The following ABCG1 variants were observed in gnomAD, a reference collection of about 807,000 sequenced individuals.
ABCG1 encodes ATP binding cassette subfamily G member 1, also known as ATP-binding cassette sub-family G member 1.
ABCG1 carries 29 observed loss-of-function variants against 69.2 expected under a neutral mutation model. The ratio of observed to expected loss-of-function variants is 0.42; its 90% CI spans 0.31 to 0.57. The LOEUF (loss-of-function observed/expected upper bound fraction) is 0.57. Ranked by LOEUF, ABCG1 falls within the 20% of genes least tolerant of loss-of-function variation. The pLI, the probability that ABCG1 is intolerant of heterozygous loss-of-function variation, is 0.15. For missense variants in ABCG1, 718 were observed against 898.1 expected, an observed-to-expected ratio of 0.80 and a Z score of 2.56; for synonymous variants, 370 against 374.8, an observed-to-expected ratio of 0.99 and a Z score of 0.15.
upstream of ABCG1, among the ~76,000 whole-genome samples, chr21:42,215,032 A>C (rs1039050594): frequency 3.9e-5 from 6 of 152,232 alleles, no homozygotes; most frequent in Admixed American, 2.0e-4. Flanking sequence ...CACAGCAGGC[A>C]GGTCAGGTCT....
chr21:42,256,127 C>T, intron 2 of ABCG1: 10 of 1,373,980 alleles, frequency 7.3e-6, no homozygotes, highest in Non-Finnish European at 9.4e-6. Flanking sequence ...CCTTCCCAAG[C>T]CTCTCCCTGT....
At position 42,296,982 on chromosome 21, in the gene ABCG1, AG is replaced by A. The variant is rs2069224340; in HGVS notation, c.*593del. 6.2e-6 allele frequency: 1 copy of A among 160,140 alleles called. No individual in the cohort carries two copies. Among genetic ancestry groups the A allele is most frequent in the Non-Finnish European group, 1.4e-5 (1 of 71,710 alleles). The allele number at this position is 160,140 out of a possible 1,614,324, so 9.9% of individuals were successfully genotyped here. On this transcript the variant is annotated 3_prime_UTR_variant, in exon 15 of 15. Transcript: ENST00000398449. This position sits in a 1 kb window ranked among gnomAD's most constrained non-coding sequence, Gnocchi z 5.4. ...TTTAGTACTTGCTGAAGAATGATTC[AG>A]GGTAAATCACATACTTTGTTTAGAG...
upstream of ABCG1, among the ~76,000 whole-genome samples, chr21:42,211,951 G>C (rs1301029034): frequency 6.6e-6 from 1 of 152,022 alleles, no homozygotes; most frequent in Non-Finnish European, 1.5e-5. Context: ...TGCGGTCCTT[G>C]GGAAGTGATT....
chr21:42,290,090 G>C lies in ABCG1; in HGVS notation c.1265G>C (p.Gly422Ala). 1 of 1,614,200 alleles carries C rather than the reference G, an allele frequency of 6.2e-7. No individual in the cohort carries two copies. The highest frequency in any genetic ancestry group is 8.5e-7 in the Non-Finnish European group (1 of 1,180,028). The change falls in exon 11 of 15, where the codon GGC becomes GCC. Residue 422 changes from glycine to alanine, a missense_variant. Coordinates refer to ENST00000398449, the MANE Select transcript of ABCG1 (RefSeq NM_016818.3). ...CGCATCACCTCGCACATTGGGATCG[G>C]CCTCCTCATTGGCCTGCTGTACTTG... ...HLRITSHIGI[G>A]LLIGLLYLGI...
chr21:42,210,809 TGAA>T (rs1278409394), intron 2 of ABCG1, among the ~76,000 whole-genome samples: 1 of 151,960 alleles, frequency 6.6e-6, no homozygotes, highest in Non-Finnish European at 1.5e-5. Context: ...GTGTGCTTGG[TGAA>T]GAAGGGGTCC....
At position 42,288,018 on chromosome 21, in the gene ABCG1, G is replaced by A; in HGVS notation, c.1103G>A (p.Trp368Ter). The change falls in exon 9 of 15, where the codon TGG becomes TAG. Residue 368 changes from tryptophan to a stop codon, truncating the protein, a stop_gained. Coordinates refer to ENST00000398449, the MANE Select transcript of ABCG1 (RefSeq NM_016818.3). LOFTEE classifies it high-confidence loss of function. This position sits in a 1 kb window ranked among gnomAD's most constrained non-coding sequence, Gnocchi z 4.8. Reference sequence around the variant, plus strand: ...GATGCCGAGGTGAACCCTTTTCTTTGGCACCGGCCCTCTGAAGAGGTAAAG... The same window carrying A: ...GATGCCGAGGTGAACCCTTTTCTTTAGCACCGGCCCTCTGAAGAGGTAAAG... ...GGDAEVNPFL[W>*]HRPSEEDSSS... 6.2e-7 allele frequency: 1 copy of A among 1,611,758 alleles called. No homozygotes were observed. The highest frequency in any genetic ancestry group is 8.5e-7 in the Non-Finnish European group (1 of 1,178,604).
chr21:42,290,490 C>T (rs1460035919), intron 11 of ABCG1, among the ~76,000 whole-genome samples: 1 of 152,200 alleles, frequency 6.6e-6, no homozygotes, highest in Non-Finnish European at 1.5e-5. Flanking sequence ...CAAAGATTCA[C>T]TAATTAGGAG....
At chr21:42,237,975 G>A (rs1364122390) in intron 2 of ABCG1, among the ~76,000 whole-genome samples, 1 of 152,210 alleles carries the variant, frequency 6.6e-6, no homozygotes, top group East Asian at 1.9e-4. Context: ...GCTGATCCAA[G>A]TGCCAAACTC....
chr21:42,220,320 C>T (rs185926992), intron 1 of ABCG1, among the ~76,000 whole-genome samples: 87 of 152,372 alleles, frequency 5.7e-4, no homozygotes, highest in Admixed American at 3.4e-3. Context: ...CCGGGGCTCA[C>T]CCCGCCCCTC....
rs1304485082 is a variant in ABCG1, at chr21:42,294,601, C to T, written c.1713C>T (p.Phe571=). 16 of 1,614,106 alleles carry T rather than the reference C, an allele frequency of 9.9e-6. No homozygotes were observed. Among genetic ancestry groups the T allele is most frequent in the East Asian group, 2.2e-5 (1 of 44,900 alleles). ...CGGTGCTCCTGTTCTCGGGGTTCTT[C>T]GTCAGCTTCGACACCATCCCCACGT... is the stretch of plus-strand genomic sequence containing the variant. ...AIPVLLFSGF[F]VSFDTIPTYL... Residue 571 remains phenylalanine, a synonymous_variant, in exon 14 of 15, where the codon TTC becomes TTT. Coordinates refer to ENST00000398449, the MANE Select transcript of ABCG1 (RefSeq NM_016818.3).
In ABCG1 at chr21:42,286,001, G is replaced by A. The variant is rs188823450; in HGVS notation, c.973+7G>A. 69 of 1,592,234 alleles carry A rather than the reference G, an allele frequency of 4.3e-5. No individual in the cohort carries two copies. Among genetic ancestry groups the A allele is most frequent in the South Asian group, 8.8e-5 (8 of 90,626 alleles). On this transcript the variant is annotated splice_region_variant and intron_variant, in intron 8 of 14. Coordinates refer to ENST00000398449, the MANE Select transcript of ABCG1 (RefSeq NM_016818.3). ...CACAACCCAGCAGATTTTGGTAAGC[G>A]GAGTCCTGAGCAGCTCGGGGGACAG...
intron 2 of ABCG1, chr21:42,259,173 T>C: frequency 7.3e-7 from 1 of 1,370,054 alleles, no homozygotes; most frequent in South Asian, 1.6e-5. Flanking sequence ...CATGTCTTGG[T>C]GTGAGAGAGA....
chr21:42,237,625 T>C (rs1047342384), intron 2 of ABCG1, among the ~76,000 whole-genome samples: 3 of 152,194 alleles, frequency 2.0e-5, no homozygotes, highest in African/African-American at 4.8e-5. Context: ...ATGAATGGAA[T>C]CACAAAAAGC....
At chr21:42,274,779 A>T (rs1458718832) in intron 4 of ABCG1, among the ~76,000 whole-genome samples, 1 of 148,714 alleles carries the variant, frequency 6.7e-6, no homozygotes, top group African/African-American at 2.5e-5. Context: ...GGCAGGGGCC[A>T]TTTTTTTTTT....
At chr21:42,216,384 G>A (rs1031383891), upstream of ABCG1, among the ~76,000 whole-genome samples, 2 of 148,148 alleles carry the variant, frequency 1.3e-5, no homozygotes, top group African/African-American at 2.4e-5. Flanking sequence ...TTGCCTGGTT[G>A]ATCCTCAGGG....
At chr21:42,275,955 C>T (rs1050615451) in intron 4 of ABCG1, among the ~76,000 whole-genome samples, 4 of 152,246 alleles carry the variant, frequency 2.6e-5, no homozygotes, top group Non-Finnish European at 5.9e-5. Flanking sequence ...GGGCCTGACC[C>T]TGTCCAGCTC....
At chr21:42,215,465 T>C (rs1213980385), upstream of ABCG1, among the ~76,000 whole-genome samples, 1 of 152,228 alleles carries the variant, frequency 6.6e-6, no homozygotes, top group Non-Finnish European at 1.5e-5. Flanking sequence ...AGACTTCCAT[T>C]GACTCCACTC....
rs887323066 is a variant in ABCG1, at chr21:42,287,638, A to T, written c.974-251A>T. 6.6e-6 allele frequency among the ~76,000 whole-genome samples: 1 copy of T among 152,114 alleles called. No homozygotes were observed. Among genetic ancestry groups the T allele is most frequent in the African/African-American group, 2.4e-5 (1 of 41,410 alleles). The stretch of plus-strand genomic sequence containing the variant: ...CAGTCGGTAGATGCAGGAGCTCATT[A>T]CTTCTCAGACCACTGACAGCACAGT... On this transcript the variant is annotated intron_variant, in intron 8 of 14. Coordinates refer to ENST00000398449, the MANE Select transcript of ABCG1 (RefSeq NM_016818.3). The surrounding 1 kb of genome is among the most constrained non-coding windows in gnomAD (Gnocchi z 6.2).
At chr21:42,282,840 T>C (rs868373371) in intron 6 of ABCG1, among the ~76,000 whole-genome samples, 4 of 152,256 alleles carry the variant, frequency 2.6e-5, no homozygotes, top group African/African-American at 9.6e-5. Flanking sequence ...GGATCCTGCC[T>C]CGGTTGCTCA....
Sources: gnomAD v4.1 joint callset for allele counts (sites outside exome capture counted in the v4.1 genomes callset) on GRCh38, gnomAD v4.1.1 for gene constraint, Gnocchi (gnomAD v3.1) non-coding constraint, MANE v1.5 for transcripts, NCBI Gene and HGNC (gene_info 2026-07-23, HGNC 2026-07-21) for gene names.